The following BMP5 variants were observed in gnomAD, a reference collection of about 807,000 sequenced individuals.
The protein encoded by BMP5 is bone morphogenetic protein 5.
In BMP5, 23 loss-of-function variants were observed where a neutral mutation model predicts 46.6. The observed-to-expected ratio is 0.49, with a 90% CI of 0.35 to 0.70. The LOEUF is 0.70. BMP5 is among the 30% of genes least tolerant of loss of function. BMP5 has a pLI of 0.00. For missense variants in BMP5, 545 were observed against 565.6 expected (o/e 0.96, Z 0.37); for synonymous variants, 204 against 191.9 (o/e 1.06, Z -0.52).
chr6:55,780,872 G>A (rs907333783), intron 3 of BMP5, among the ~76,000 whole-genome samples: 6 of 152,070 alleles, frequency 3.9e-5, no homozygotes, highest in African/African-American at 1.4e-4. Flanking sequence ...TGTCCAGAAT[G>A]CTGAAATGTT....
At chr6:55,819,545 A>G (rs1356497024) in intron 2 of BMP5, 110 bp downstream of exon 2, 4 of 896,610 alleles carry the variant, frequency 4.5e-6, no homozygotes, top group Non-Finnish European at 7.0e-6. Flanking sequence ...ATGTTACTAC[A>G]TTGCCCCCAA....
chr6:55,791,047 CT>C (rs1220237398), intron 3 of BMP5, among the ~76,000 whole-genome samples: 1 of 152,186 alleles, frequency 6.6e-6, no homozygotes, highest in Non-Finnish European at 1.5e-5. Context: ...TGAAAGCAGA[CT>C]TTCCTATCAT....
chr6:55,793,710 C>T (rs149100837), intron 3 of BMP5, among the ~76,000 whole-genome samples: 61 of 152,266 alleles, frequency 4.0e-4, no homozygotes, highest in African/African-American at 1.3e-3. Flanking sequence ...TCAAACATTG[C>T]AATATGTAAA....
intron 4 of BMP5, among the ~76,000 whole-genome samples, chr6:55,764,589 A>AAAAAAG (rs1774876244): frequency 6.8e-6 from 1 of 147,560 alleles, no homozygotes; most frequent in African/African-American, 2.5e-5. Flanking sequence ...AAAAAAAAAG[A>AAAAAAG]AAAAAAGAAA....
intron 3 of BMP5, among the ~76,000 whole-genome samples, chr6:55,776,872 A>G (rs1775186160): frequency 6.6e-6 from 1 of 151,972 alleles, no homozygotes; most frequent in South Asian, 2.1e-4. Flanking sequence ...TTATCTGTGG[A>G]GAAATAATAC....
intron 6 of BMP5, among the ~76,000 whole-genome samples, chr6:55,756,227 G>A (rs367862898): frequency 6.6e-6 from 1 of 151,878 alleles, no homozygotes; most frequent in Non-Finnish European, 1.5e-5. Flanking sequence ...ACTTGCCTTA[G>A]AGCAATGATT....
At chr6:55,827,402 G>T (rs1019522124) in intron 1 of BMP5, among the ~76,000 whole-genome samples, 1 of 151,580 alleles carries the variant, frequency 6.6e-6, no homozygotes, top group East Asian at 1.9e-4. Flanking sequence ...AAAAAAACCT[G>T]CAGGCTAGGT....
chr6:55,863,643 A>C (rs1305655183), intron 1 of BMP5, among the ~76,000 whole-genome samples: 1 of 152,214 alleles, frequency 6.6e-6, no homozygotes, highest in African/African-American at 2.4e-5. Flanking sequence ...AAGCAGCCAC[A>C]TAATGACAAT....
chr6:55,836,400 C>T (rs1174406988), intron 1 of BMP5, among the ~76,000 whole-genome samples: 1 of 151,990 alleles, frequency 6.6e-6, no homozygotes, highest in African/African-American at 2.4e-5. Context: ...AAAGTAAAAA[C>T]AAACCAACAG....
intron 1 of BMP5, among the ~76,000 whole-genome samples, chr6:55,826,614 G>A (rs1382054851): frequency 1.3e-5 from 2 of 151,294 alleles, no homozygotes; most frequent in East Asian, 3.9e-4. Flanking sequence ...AGCTTTCAGT[G>A]ATTATTTAGA....
intron 3 of BMP5, among the ~76,000 whole-genome samples, chr6:55,787,393 T>C (rs1298913193): frequency 1.3e-5 from 2 of 151,732 alleles, no homozygotes; most frequent in African/African-American, 4.8e-5. Context: ...TATCTTTGTT[T>C]AATATATAAT....
chr6:55,852,024 C>T (rs1777257974), intron 1 of BMP5, among the ~76,000 whole-genome samples: 1 of 152,016 alleles, frequency 6.6e-6, no homozygotes, highest in Admixed American at 6.6e-5. Flanking sequence ...TTCTATCCCC[C>T]CAAAGTATTG....
chr6:55,870,825 G>T (rs931979177), intron 1 of BMP5, among the ~76,000 whole-genome samples: 15 of 152,004 alleles, frequency 9.9e-5, no homozygotes, highest in Admixed American at 9.8e-4. Flanking sequence ...GACTAAATAT[G>T]TTTTTATATT....
intron 2 of BMP5, among the ~76,000 whole-genome samples, chr6:55,800,508 G>A (rs1001623357): frequency 6.6e-6 from 1 of 152,270 alleles, no homozygotes; most frequent in African/African-American, 2.4e-5. Context: ...ATTATATTAT[G>A]ATAATGTGTT....
At chr6:55,803,603 A>G (rs1775909111) in intron 2 of BMP5, among the ~76,000 whole-genome samples, 1 of 152,182 alleles carries the variant, frequency 6.6e-6, no homozygotes, top group Non-Finnish European at 1.5e-5. Context: ...CTGATCTGCT[A>G]GCTCACCTTA....
chr6:55,868,400 A>G (rs1349123969), intron 1 of BMP5, among the ~76,000 whole-genome samples: 1 of 152,178 alleles, frequency 6.6e-6, no homozygotes, highest in Non-Finnish European at 1.5e-5. Context: ...ACATCCAACT[A>G]TTCAGAATTA....
intron 3 of BMP5, among the ~76,000 whole-genome samples, chr6:55,792,166 G>C (rs139744878): frequency 1.3e-5 from 2 of 152,284 alleles, no homozygotes; most frequent in African/African-American, 4.8e-5. Context: ...GAAAAATCTG[G>C]ATTTGAGAGC....
At chr6:55,780,446 C>T (rs1319998871) in intron 3 of BMP5, among the ~76,000 whole-genome samples, 1 of 106,806 alleles carries the variant, frequency 9.4e-6, no homozygotes, top group African/African-American at 3.8e-5. Context: ...CAGTGAAACC[C>T]CATCACTACT....
At chr6:55,869,656 T>A (rs907121998) in intron 1 of BMP5, among the ~76,000 whole-genome samples, 2 of 152,130 alleles carry the variant, frequency 1.3e-5, no homozygotes, top group African/African-American at 4.8e-5. Context: ...TGTTATTTTA[T>A]AAAATAAAGG....
Sources: gnomAD v4.1 joint callset for allele counts (sites outside exome capture counted in the v4.1 genomes callset) on GRCh38, gnomAD v4.1.1 for gene constraint, MANE v1.5 for transcripts, NCBI Gene and HGNC (gene_info 2026-07-23, HGNC 2026-07-21) for gene names.